TAF8: variants seen among roughly 807,000 people sequenced by gnomAD.
TAF8 encodes the protein transcription initiation factor TFIID subunit 8.
A neutral mutation model predicts 36.5 loss-of-function variants in TAF8; 47 were observed. The ratio of observed to expected loss-of-function variants is 1.29; its 90% confidence interval spans 1.02 to 1.64. TAF8 has a LOEUF of 1.64. TAF8 is among the 40% of genes most tolerant of loss of function. TAF8 has a pLI of 0.00. For missense variants in TAF8, 420 were observed against 407.6 expected (o/e 1.03, Z -0.26); for synonymous variants, 175 against 159.5 (o/e 1.10, Z -0.73).
chr6:42,066,782 C>T (rs1445021131), intron 6 of TAF8, among the ~76,000 whole-genome samples: 3 of 152,176 alleles, frequency 2.0e-5, no homozygotes, highest in Admixed American at 6.5e-5. Context: ...AGTTGCCCAT[C>T]GTGATGTTCC....
Position 42,051,367 on chromosome 6 carries a change from G to A in TAF8, c.56G>A (p.Ser19Asn). 2.5e-6 allele frequency: 4 copies of A among 1,613,640 alleles called. No individual in the cohort carries two copies. The highest frequency in any genetic ancestry group is 2.5e-6 in the Non-Finnish European group (3 of 1,179,616). ...TCTGCTGATTCACAGAGATCGGGAA[G>A]TAAACAGTCCACTAACCCTGCCGAT... ...GAGGSGTRSG[S>N]KQSTNPADNY... is the part of the protein sequence containing the mutation. Residue 19 changes from serine to asparagine, a missense_variant, in exon 2 of 9, where the codon AGT becomes AAT. Coordinates refer to ENST00000372977, the MANE Select transcript of TAF8 (RefSeq NM_138572.3).
At chr6:42,064,447 G>A (rs1016458364) in intron 5 of TAF8, among the ~76,000 whole-genome samples, 1 of 151,988 alleles carries the variant, frequency 6.6e-6, no homozygotes, top group African/African-American at 2.4e-5. Flanking sequence ...TAGAGACCGG[G>A]TGTTACCATG....
intron 6 of TAF8, 111 bp from the exon 7 acceptor site, chr6:42,068,354 C>T (rs1384658926): frequency 8.5e-7 from 1 of 1,179,550 alleles, no homozygotes; most frequent in Non-Finnish European, 1.2e-6. Context: ...AGCGAGTTAG[C>T]TAGTATTATC....
At chr6:42,076,317 G>T (rs1225031663) in intron 7 of TAF8, among the ~76,000 whole-genome samples, 1 of 152,078 alleles carries the variant, frequency 6.6e-6, no homozygotes, top group Non-Finnish European at 1.5e-5. Context: ...GGGCGTCATG[G>T]CACATGCCTG....
At chr6:42,068,643 C>T (rs1429296276) in intron 7 of TAF8, 36 bp downstream of exon 7, 5 of 1,606,608 alleles carry the variant, frequency 3.1e-6, no homozygotes, top group Admixed American at 1.7e-5. Flanking sequence ...AGAGTATCCC[C>T]CAAACTGTCG....
In TAF8 at chr6:42,056,005, A is replaced by C; in HGVS notation, c.355A>C (p.Ile119Leu). 1 of 1,610,806 alleles carries C rather than the reference A, an allele frequency of 6.2e-7. No homozygotes were observed. Among genetic ancestry groups the C allele is most frequent in the South Asian group, 1.1e-5 (1 of 91,022 alleles). ...AYAKRSQRMV[I>L]TAPPVTNQPV... is the part of the protein sequence containing the mutation. The stretch of plus-strand genomic sequence containing the variant: ...TGCAAAACGGTCTCAGAGGATGGTC[A>C]TCACTGCTCGTAAGTGACTTTGAAC... Residue 119 changes from isoleucine to leucine, a missense_variant, in exon 4 of 9, where the codon ATC (isoleucine) becomes CTC (leucine). Physicochemically the swap from Ile to Leu is conservative, Grantham distance 5. Transcript: ENST00000372977.
At chr6:42,075,995 G>T (rs545618623) in intron 7 of TAF8, among the ~76,000 whole-genome samples, 1 of 151,984 alleles carries the variant, frequency 6.6e-6, no homozygotes, top group South Asian at 2.1e-4. Context: ...AGATCATGAG[G>T]TCAGGAGATC....
chr6:42,054,211 CT>C (rs1764898786), intron 2 of TAF8, among the ~76,000 whole-genome samples: 1 of 152,254 alleles, frequency 6.6e-6, no homozygotes, highest in South Asian at 2.1e-4. Context: ...TCTTAGAAAC[CT>C]TTCCCCTTTC....
chr6:42,076,982 A>G lies in TAF8; in HGVS notation c.781-118A>G, dbSNP rs116307265. 3.9e-4 allele frequency: 496 copies of G among 1,277,282 alleles called. 2 individuals carry two copies. In the African/African-American group the frequency reaches 6.1e-3, roughly 16 times the overall value. The allele number at this position is 1,277,282 out of a possible 1,614,324, so 79.1% of individuals were successfully genotyped here. ...GGCAGAGATAGGAATGTTGGAAAGAAGGTGCTTCCCAGGTTCTAATTTCTC... is the reference window on the plus strand; with the variant it reads ...GGCAGAGATAGGAATGTTGGAAAGAGGGTGCTTCCCAGGTTCTAATTTCTC... On this transcript the variant is annotated intron_variant, in intron 7 of 8. Coordinates refer to ENST00000372977, the MANE Select transcript of TAF8 (RefSeq NM_138572.3).
intron 7 of TAF8, among the ~76,000 whole-genome samples, chr6:42,072,725 G>T (rs1175396277): frequency 4.0e-5 from 6 of 150,244 alleles, no homozygotes; most frequent in Non-Finnish European, 5.9e-5. Context: ...TGGTTTTTTT[G>T]TTTGTTTTTT....
At chr6:42,072,877 C>T (rs1296390142) in intron 7 of TAF8, among the ~76,000 whole-genome samples, 2 of 152,114 alleles carry the variant, frequency 1.3e-5, no homozygotes, top group Admixed American at 6.5e-5. Flanking sequence ...CGCCCGCCAC[C>T]ACGCCCGGCT....
chr6:42,076,965 T>G lies in TAF8; in HGVS notation c.781-135T>G, dbSNP rs1765768727. 7 of 1,132,720 alleles carry G rather than the reference T, an allele frequency of 6.2e-6. No individual in the cohort carries two copies. In the South Asian group the frequency reaches 1.1e-4, roughly 18 times the overall value. 70.2% of individuals were successfully genotyped at this position (1,132,720 alleles called of 1,614,324 possible). Reference sequence around the variant, plus strand: ...GGTCCTCGCTTCATCGGGGCAGAGATAGGAATGTTGGAAAGAAGGTGCTTC... The same window carrying G: ...GGTCCTCGCTTCATCGGGGCAGAGAGAGGAATGTTGGAAAGAAGGTGCTTC... On this transcript the variant is annotated intron_variant, in intron 7 of 8. Coordinates refer to ENST00000372977, the MANE Select transcript of TAF8 (RefSeq NM_138572.3).
chr6:42,079,325 G>A lies in TAF8; in HGVS notation c.*1780G>A, dbSNP rs1002833360. On this transcript the variant is annotated 3_prime_UTR_variant, in exon 9 of 9. Coordinates refer to ENST00000372977, the MANE Select transcript of TAF8 (RefSeq NM_138572.3). ...AGTCTGTCCAACCAATTTGTATCCT[G>A]TGGGGAGAACAACTTCATTCTTAAC... 3 of 985,464 alleles carry A rather than the reference G, an allele frequency of 3.0e-6. No individual in the cohort carries two copies. The highest frequency in any genetic ancestry group is 1.1e-4 in the East Asian group (1 of 8,816). 61.0% of individuals were successfully genotyped at this position (985,464 alleles called of 1,614,324 possible). A position where few individuals can be genotyped will look rare whatever the true frequency, so the allele number is the denominator to read the frequency against.
chr6:42,062,321 T>C (rs1023087764), intron 5 of TAF8, among the ~76,000 whole-genome samples: 13 of 152,140 alleles, frequency 8.5e-5, no homozygotes, highest in African/African-American at 3.1e-4. Context: ...GAAAACCCTG[T>C]TATTCAGACA....
chr6:42,051,194 C>A, intron 1 of TAF8, 163 bp from the exon 2 acceptor site: 1 of 1,299,700 alleles, frequency 7.7e-7, no homozygotes, highest in Non-Finnish European at 1.0e-6. Context: ...ACCTTGGGTG[C>A]TCAATTTTTA....
intron 1 of TAF8, chr6:42,050,949 G>A (rs940327845): frequency 9.0e-7 from 1 of 1,113,486 alleles, no homozygotes; most frequent in Admixed American, 4.7e-5. Context: ...TCCTCTCCTC[G>A]CGGTCACCTC....
Position 42,078,481 on chromosome 6 carries a change from A to G in TAF8, c.*936A>G, listed in dbSNP as rs1012243266. ...GCCTCCCAAGTGCTCCGTTGAGCTG[A>G]TGAAAAGTTCTTTGTACTCCCTCAA... is the stretch of plus-strand genomic sequence containing the variant. On this transcript the variant is annotated 3_prime_UTR_variant, in exon 9 of 9. Transcript: ENST00000372977. 10 of 985,448 alleles carry G rather than the reference A, an allele frequency of 1.0e-5. No homozygotes were observed. The highest frequency in any genetic ancestry group is 5.2e-4 in the Middle Eastern group (1 of 1,914). 61.0% of individuals were successfully genotyped at this position (985,448 alleles called of 1,614,324 possible).
At position 42,080,930 on chromosome 6, in the gene TAF8, T is replaced by C; in HGVS notation, c.*3385T>C. On this transcript the variant is annotated 3_prime_UTR_variant, in exon 9 of 9. Transcript: ENST00000372977. ...TAGAACTGTAAGCTTTGAACTTAAT[T>C]TGTGTTCAAAAGTTAACAGCAATGT... 1.0e-6 allele frequency: 1 copy of C among 985,234 alleles called. No homozygotes were observed. The highest frequency in any genetic ancestry group is 1.2e-6 in the Non-Finnish European group (1 of 829,754). 61.0% of individuals were successfully genotyped at this position (985,234 alleles called of 1,614,324 possible). A position where few individuals can be genotyped will look rare whatever the true frequency, so the allele number is the denominator to read the frequency against.
intron 5 of TAF8, among the ~76,000 whole-genome samples, chr6:42,058,138 C>T: frequency 6.6e-6 from 1 of 151,976 alleles, no homozygotes; most frequent in East Asian, 1.9e-4. Context: ...AATCCCAACA[C>T]TTTGGAAGGC....
Sources: gnomAD v4.1 joint callset for allele counts (sites outside exome capture counted in the v4.1 genomes callset) on GRCh38, gnomAD v4.1.1 for gene constraint, MANE v1.5 for transcripts, NCBI Gene and HGNC (gene_info 2026-07-23, HGNC 2026-07-21) for gene names.